Variants in COPG2 observed in about 807,000 individuals in gnomAD.
The protein encoded by COPG2 is coat protein complex I subunit gamma 2, also known as coatomer subunit gamma-2.
In COPG2, 37 loss-of-function variants were observed where a neutral mutation model predicts 46.3. The observed-to-expected ratio is 0.80, with a 90% CI of 0.61 to 1.05. The LOEUF (loss-of-function observed/expected upper bound fraction) is 1.05. Among genes scored for constraint, COPG2 ranks in the 50% least tolerant of loss-of-function variants. The probability of loss-of-function intolerance (pLI) is 0.00; values close to 1 mark genes in which losing one functional copy is unlikely to be tolerated. For synonymous variants in COPG2, 159 were observed against 129.7 expected, an observed-to-expected ratio of 1.23 and a Z score of -1.53; for missense variants, 427 against 387.8, an observed-to-expected ratio of 1.10 and a Z score of -0.85.
chr7:130,529,617 G>A (rs1799804952), intron 20 of COPG2, among the ~76,000 whole-genome samples: 1 of 152,194 alleles, frequency 6.6e-6, no homozygotes, highest in African/African-American at 2.4e-5. Flanking sequence ...GCAGAATGAA[G>A]CAATAGCTCC....
chr7:130,630,168 C>T (rs942840078), intron 5 of COPG2, among the ~76,000 whole-genome samples: 2 of 152,096 alleles, frequency 1.3e-5, no homozygotes, highest in Non-Finnish European at 2.9e-5. Flanking sequence ...GCCTTGGCCT[C>T]CCAAAGTGCT....
At chr7:130,535,718 G>A (rs1323656931) in intron 20 of COPG2, among the ~76,000 whole-genome samples, 1 of 145,790 alleles carries the variant, frequency 6.9e-6, no homozygotes, top group Admixed American at 6.8e-5. Context: ...AGTGGGACTG[G>A]GACTGGGGGA....
chr7:130,572,794 A>C (rs1318528794), intron 9 of COPG2, among the ~76,000 whole-genome samples: 1 of 151,962 alleles, frequency 6.6e-6, no homozygotes, highest in Non-Finnish European at 1.5e-5. Context: ...AGGCTTCCAC[A>C]TGAAGAAATT....
At chr7:130,553,772 G>A (rs981900645) in intron 14 of COPG2, among the ~76,000 whole-genome samples, 124,160 of 152,150 alleles carry the variant, frequency 0.82, 50,914 homozygotes, top group East Asian at 0.88. Flanking sequence ...GAGGAGCTCT[G>A]TAAATAAGAG....
chr7:130,646,340 T>C (rs2078096628), intron 5 of COPG2, among the ~76,000 whole-genome samples: 2 of 152,218 alleles, frequency 1.3e-5, no homozygotes, highest in Admixed American at 1.3e-4. Flanking sequence ...CTTATCCATT[T>C]GTAAACTGCT....
At chr7:130,550,129 G>A (rs1344595086) in intron 17 of COPG2, among the ~76,000 whole-genome samples, 4 of 152,054 alleles carry the variant, frequency 2.6e-5, no homozygotes, top group Non-Finnish European at 5.9e-5. Context: ...GGTGACAATC[G>A]GCTGAGCACG....
At position 130,653,495 on chromosome 7, in the gene COPG2, C is replaced by G. The variant is rs565623152; in HGVS notation, c.244-547G>C. On this transcript the variant is annotated intron_variant, in intron 4 of 23. Coordinates refer to ENST00000425248, the MANE Select transcript of COPG2 (RefSeq NM_012133.6). ...TCCTGGAAAATGTGCAAACTCTGCACTTTCCTCAGTTCAGTGTATACCAAT... is the reference window on the plus strand; with the variant it reads ...TCCTGGAAAATGTGCAAACTCTGCAGTTTCCTCAGTTCAGTGTATACCAAT... 3.3e-5 allele frequency among the ~76,000 whole-genome samples: 5 copies of G among 152,320 alleles called. No individual in the cohort carries two copies. The South Asian group carries it at 1.0e-3, about 32-fold the overall frequency.
At chr7:130,550,411 CAAAAAA>C (rs1158918044) in intron 17 of COPG2, 107 bp downstream of exon 17, 6 of 104,476 alleles carry the variant, frequency 5.7e-5, no homozygotes, top group East Asian at 1.7e-4. Flanking sequence ...GACTCTATCT[CAAAAAA>C]AAAAAAAAAA....
chr7:130,552,552 TTGAG>T, intron 14 of COPG2, 122 bp from the exon 15 acceptor site: 1 of 393,740 alleles, frequency 2.5e-6, no homozygotes, highest in Non-Finnish European at 4.5e-6. Flanking sequence ...CCTTGTTTTA[TTGAG>T]TGTTTCTTGA....
At chr7:130,642,057 TTCTCAATTC>T (rs1334692107) in intron 5 of COPG2, among the ~76,000 whole-genome samples, 9 of 152,182 alleles carry the variant, frequency 5.9e-5, no homozygotes, top group African/African-American at 2.2e-4. Context: ...AATTCCAGAA[TTCTCAATTC>T]TCTCAATTCT....
Position 130,668,742 on chromosome 7 carries a change from C to T in COPG2, c.-74G>A, listed in dbSNP as rs1563076639. ...CGCAGCCGGCGAGCGGAAGAGGCTG[C>T]AGGAAGGCCGGCCCCGCGCTCTCAC... On this transcript the variant is annotated 5_prime_UTR_variant, in exon 1 of 24. Transcript: ENST00000425248. The T allele has an allele frequency of 7.5e-6, 11 of 1,475,334 alleles. No homozygotes were observed. The highest frequency in any genetic ancestry group is 2.6e-5 in the South Asian group (2 of 77,488). The allele number at this position is 1,475,334 out of a possible 1,614,324, so 91.4% of individuals were successfully genotyped here.
chr7:130,599,824 G>A (rs1415548142), intron 9 of COPG2, among the ~76,000 whole-genome samples: 1 of 152,004 alleles, frequency 6.6e-6, no homozygotes, highest in Non-Finnish European at 1.5e-5. Context: ...GCATTTCTGG[G>A]GTACAAAGAA....
At chr7:130,626,485 A>T (rs2116533558) in intron 5 of COPG2, among the ~76,000 whole-genome samples, 1 of 148,584 alleles carries the variant, frequency 6.7e-6, no homozygotes, top group South Asian at 2.1e-4. Context: ...ACCTGACCTC[A>T]TGATCCACCC....
chr7:130,533,486 G>A (rs946214349), intron 20 of COPG2, among the ~76,000 whole-genome samples: 28 of 151,918 alleles, frequency 1.8e-4, no homozygotes, highest in Non-Finnish European at 3.7e-4. Context: ...AGGGTGCAGC[G>A]GTTTGGCACC....
At position 130,506,588 on chromosome 7, in the gene COPG2, A is replaced by G. The variant is rs782729071; in HGVS notation, c.*88T>C. 1.4e-4 allele frequency: 78 copies of G among 542,882 alleles called. 1 individual carries two copies. Among genetic ancestry groups the G allele is most frequent in the Non-Finnish European group, 2.1e-4 (62 of 299,764 alleles). The allele number at this position is 542,882 out of a possible 1,614,324, so 33.6% of individuals were successfully genotyped here. On this transcript the variant is annotated 3_prime_UTR_variant, in exon 24 of 24. Coordinates refer to ENST00000425248, the MANE Select transcript of COPG2 (RefSeq NM_012133.6). ...GCTTCTCCAAAGTCATTCATCTTCA[A>G]AAGTCTGATTCTGGGAAACTGATGC...
At chr7:130,628,761 T>C (rs558784466) in intron 5 of COPG2, among the ~76,000 whole-genome samples, 1 of 152,238 alleles carries the variant, frequency 6.6e-6, no homozygotes, top group South Asian at 2.1e-4. Flanking sequence ...AGAAAGTCTT[T>C]AGGCTGGGCA....
intron 15 of COPG2, among the ~76,000 whole-genome samples, chr7:130,551,806 T>C: frequency 6.6e-6 from 1 of 152,382 alleles, no homozygotes; most frequent in Middle Eastern, 3.4e-3. Flanking sequence ...TCTGCTTCAA[T>C]TATAAGATGC....
chr7:130,541,532 C>G (rs1348061401), intron 20 of COPG2, among the ~76,000 whole-genome samples: 1 of 151,788 alleles, frequency 6.6e-6, no homozygotes, highest in Non-Finnish European at 1.5e-5. Context: ...GAGATGAGGA[C>G]GGGCAGAGAG....
In COPG2 at chr7:130,507,725, T is replaced by C; in HGVS notation, c.2346A>G (p.Lys782=). ...AWEEVGDTFE[K]EETFALSSTK... is the part of the protein sequence containing the mutation. ...TAGAACTGAGGGCAAAGGTTTCCTC[T>C]TTCTCAAAGGTATCTCCCACCTCTT... Residue 782 remains lysine (K), a synonymous_variant, in exon 22 of 24, where the codon AAA becomes AAG. Coordinates refer to ENST00000425248, the MANE Select transcript of COPG2 (RefSeq NM_012133.6). 1.3e-6 allele frequency: 1 copy of C among 780,600 alleles called. No individual in the cohort carries two copies. The highest frequency in any genetic ancestry group is 2.4e-6 in the Non-Finnish European group (1 of 417,886). The allele number at this position is 780,600 out of a possible 1,614,324, so 48.4% of individuals were successfully genotyped here. A position where few individuals can be genotyped will look rare whatever the true frequency, so the allele number is the denominator to read the frequency against.
Sources: allele counts gnomAD v4.1 joint callset (sites outside exome capture counted in the v4.1 genomes callset), GRCh38; gene constraint gnomAD v4.1.1; transcripts MANE v1.5; gene names NCBI Gene and HGNC (gene_info 2026-07-23, HGNC 2026-07-21).